The following GRID2 variants were observed in gnomAD, a reference collection of about 807,000 sequenced individuals.
GRID2 encodes glutamate ionotropic receptor delta type subunit 2.
GRID2 carries 33 observed loss-of-function variants against 114.8 expected under a neutral mutation model. That is an observed-to-expected ratio of 0.29 (90% CI 0.22 to 0.38). The LOEUF (loss-of-function observed/expected upper bound fraction) is 0.38. Ranked by LOEUF, GRID2 falls within the 10% of genes least tolerant of loss-of-function variation. The pLI is 1.00. For synonymous variants in GRID2, 505 were observed against 449.9 expected (o/e 1.12, Z -1.55); for missense variants, 1,184 against 1,257.7 (o/e 0.94, Z 0.89).
intron 13 of GRID2, among the ~76,000 whole-genome samples, chr4:93,545,807 G>A (rs11938146): frequency 0.31 from 47,186 of 151,874 alleles, 7,982 homozygotes; most frequent in African/African-American, 0.43. Context: ...ATATTTTTCA[G>A]AAAAAAGAGA....
At chr4:92,470,261 T>A (rs563662856) in intron 1 of GRID2, among the ~76,000 whole-genome samples, 1 of 151,808 alleles carries the variant, frequency 6.6e-6, no homozygotes, top group East Asian at 1.9e-4. Flanking sequence ...ATGCTAAAGT[T>A]CTCTCTTTTT....
intron 2 of GRID2, among the ~76,000 whole-genome samples, chr4:92,894,957 A>G (rs1251072473): frequency 1.3e-5 from 2 of 152,008 alleles, no homozygotes; most frequent in African/African-American, 4.8e-5. Context: ...TACGGCCATA[A>G]TTGCTATTTA....
chr4:93,159,813 T>G (rs2149406280), intron 4 of GRID2, among the ~76,000 whole-genome samples: 1 of 151,534 alleles, frequency 6.6e-6, no homozygotes, highest in East Asian at 2.0e-4. Flanking sequence ...TAAAATTGAA[T>G]TTTGAGTTAC....
At chr4:92,560,764 TG>T (rs1161504821) in intron 1 of GRID2, among the ~76,000 whole-genome samples, 2 of 152,104 alleles carry the variant, frequency 1.3e-5, no homozygotes, top group African/African-American at 2.4e-5. Context: ...TGGAGTGCAA[TG>T]GCAGGATCTC....
chr4:92,931,142 T>C (rs1560713488), intron 2 of GRID2, among the ~76,000 whole-genome samples: 1 of 150,980 alleles, frequency 6.6e-6, no homozygotes, highest in African/African-American at 2.4e-5. Context: ...CAGAAATACA[T>C]AATAATAAAT....
At chr4:92,917,689 C>T (rs979703645) in intron 2 of GRID2, among the ~76,000 whole-genome samples, 2 of 152,062 alleles carry the variant, frequency 1.3e-5, no homozygotes, top group African/African-American at 2.4e-5. Flanking sequence ...TGAGGACTCT[C>T]TTCTGTACCA....
chr4:92,356,312 G>A (rs998680360), intron 1 of GRID2, among the ~76,000 whole-genome samples: 5 of 151,240 alleles, frequency 3.3e-5, no homozygotes, highest in Non-Finnish European at 5.9e-5. Context: ...GTTTTCTTAT[G>A]TTAGAGTTCA....
intron 1 of GRID2, among the ~76,000 whole-genome samples, chr4:93,804,315 A>G (rs1021928305): frequency 1.3e-5 from 2 of 152,176 alleles, no homozygotes; most frequent in Admixed American, 1.3e-4. Context: ...GATTTTTGTC[A>G]AAATGTGAAC....
chr4:93,408,041 C>T (rs1465955490), intron 9 of GRID2, among the ~76,000 whole-genome samples: 2 of 151,996 alleles, frequency 1.3e-5, no homozygotes, highest in Non-Finnish European at 2.9e-5. Context: ...ATGTAATCTC[C>T]AAGACCATGG....
intron 2 of GRID2, among the ~76,000 whole-genome samples, chr4:92,809,759 A>G (rs1740581018): frequency 6.6e-6 from 1 of 152,056 alleles, no homozygotes; most frequent in Admixed American, 6.6e-5. Context: ...TAGTTGCATT[A>G]GTCTGCAGTT....
chr4:92,972,178 C>T (rs931495165), intron 2 of GRID2, among the ~76,000 whole-genome samples: 7 of 150,776 alleles, frequency 4.6e-5, no homozygotes, highest in Admixed American at 2.6e-4. Context: ...TATAAGATTT[C>T]TCTTTTCGCT....
intron 1 of GRID2, among the ~76,000 whole-genome samples, chr4:92,474,288 G>T (rs938898235): frequency 2.0e-4 from 30 of 151,848 alleles, no homozygotes; most frequent in African/African-American, 6.0e-4. Context: ...TTCTATGTCT[G>T]GCTTATTTCT....
At chr4:93,573,951 C>A (rs2149584225) in intron 13 of GRID2, among the ~76,000 whole-genome samples, 1 of 152,198 alleles carries the variant, frequency 6.6e-6, no homozygotes, top group African/African-American at 2.4e-5. Flanking sequence ...GAAATTATTT[C>A]AGCACTGTTG....
At chr4:93,544,917 TCCCTTTAGAGGTGACTG>T (rs1264348565) in intron 13 of GRID2, among the ~76,000 whole-genome samples, 5 of 152,208 alleles carry the variant, frequency 3.3e-5, no homozygotes, top group African/African-American at 1.2e-4. Flanking sequence ...TCTAATGCTA[TCCCTTTAGAGGTGACTG>T]CCTCATTCTT....
At chr4:93,154,501 G>C (rs1449872602) in intron 4 of GRID2, among the ~76,000 whole-genome samples, 1 of 151,956 alleles carries the variant, frequency 6.6e-6, no homozygotes, top group Non-Finnish European at 1.5e-5. Flanking sequence ...CTCCCGGATA[G>C]CTTGGCTAAA....
chr4:92,899,364 A>G (rs1481705388), intron 2 of GRID2, among the ~76,000 whole-genome samples: 1 of 152,076 alleles, frequency 6.6e-6, no homozygotes, highest in African/African-American at 2.4e-5. Context: ...CTTGGAAAGT[A>G]TTCACCAGGA....
chr4:93,181,504 G>A (rs539741804), intron 4 of GRID2, among the ~76,000 whole-genome samples: 1 of 152,264 alleles, frequency 6.6e-6, no homozygotes, highest in East Asian at 1.9e-4. Context: ...AAACTTTGAA[G>A]CCAGGCATTG....
rs761893088 is a variant in GRID2 at position 93,515,326 on chromosome 4, G to A, written c.2108G>A (p.Ser703Asn). 3 of 1,611,832 alleles carry A rather than the reference G, an allele frequency of 1.9e-6. No homozygotes were observed. The highest frequency in any genetic ancestry group is 1.3e-5 in the African/African-American group (1 of 74,968). The change falls in exon 13 of 16, where the codon AGC becomes AAC. Residue 703 changes from serine (S) to asparagine (N), a missense_variant. Around this residue, in one of 3 missense-constraint regions of GRID2, gnomAD observed 717 missense variants for 796.9 expected, o/e 0.90. Coordinates refer to ENST00000282020, the MANE Select transcript of GRID2 (RefSeq NM_001510.4). ...MKGLNPFERD[S>N]MYSQMWRMIN... is the part of the protein sequence containing the mutation. ...GGACTGAATCCTTTTGAGAGGGACAGCATGTATTCCCAAATGTGGCGGATG... is the reference window on the plus strand; with the variant it reads ...GGACTGAATCCTTTTGAGAGGGACAACATGTATTCCCAAATGTGGCGGATG...
chr4:93,045,843 T>G (rs1343926087), intron 2 of GRID2, among the ~76,000 whole-genome samples: 3 of 152,144 alleles, frequency 2.0e-5, no homozygotes, highest in African/African-American at 7.2e-5. Context: ...GAAATGAAGA[T>G]CATTAAAATG....
Sources: gnomAD v4.1 joint callset for allele counts (sites outside exome capture counted in the v4.1 genomes callset) on GRCh38, gnomAD v4.1.1 for gene constraint, gnomAD v4.1.1 regional missense constraint, MANE v1.5 for transcripts, NCBI Gene and HGNC (gene_info 2026-07-23, HGNC 2026-07-21) for gene names.